The following HS6ST2 variants were observed in gnomAD, a reference collection of about 807,000 sequenced individuals.
The protein encoded by HS6ST2 is heparan sulfate 6-O-sulfotransferase 2, also known as heparan-sulfate 6-O-sulfotransferase 2.
Under a neutral mutation model 33.0 loss-of-function variants are expected in HS6ST2, and 17 were observed. That is an observed-to-expected ratio of 0.52 (90% CI 0.35 to 0.77). The LOEUF (loss-of-function observed/expected upper bound fraction) is 0.77. Ranked by LOEUF, HS6ST2 falls within the 30% of genes least tolerant of loss-of-function variation. The probability of loss-of-function intolerance (pLI) is 0.01; values close to 1 mark genes in which losing one functional copy is unlikely to be tolerated. For missense variants in HS6ST2, 519 were observed against 551.7 expected (o/e 0.94, Z 0.59); for synonymous variants, 248 against 237.1 (o/e 1.05, Z -0.42).
chrX:132,687,051 T>G (rs1050794724), intron 3 of HS6ST2, among the ~76,000 whole-genome samples: 1 of 112,310 alleles, frequency 8.9e-6, no homozygotes, highest in African/African-American at 3.2e-5. Flanking sequence ...AAATAATTAG[T>G]CCACACCAGT....
chrX:132,662,276 G>GGA (rs758077154), intron 4 of HS6ST2, among the ~76,000 whole-genome samples: 10 of 108,166 alleles, frequency 9.2e-5, no homozygotes, highest in Admixed American at 8.0e-4. Context: ...TGAAAGAGAA[G>GGA]GAGAGAGAGA....
chrX:132,660,984 G>A (rs376026956), intron 4 of HS6ST2, among the ~76,000 whole-genome samples: 3 of 111,670 alleles, frequency 2.7e-5, no homozygotes, highest in South Asian at 3.8e-4. Flanking sequence ...AGTGCTGATC[G>A]AAGAGGTAAG....
At chrX:132,673,722 C>G (rs1047626300) in intron 3 of HS6ST2, among the ~76,000 whole-genome samples, 3 of 110,911 alleles carry the variant, frequency 2.7e-5, no homozygotes, top group Non-Finnish European at 5.7e-5. Context: ...CAGACTCTCC[C>G]AGGGATAAAA....
chrX:132,876,982 T>C (rs1181954059), intron 2 of HS6ST2, among the ~76,000 whole-genome samples: 2 of 112,530 alleles, frequency 1.8e-5, no homozygotes, highest in East Asian at 5.5e-4. Flanking sequence ...TAGTCCTTTT[T>C]ATTGGCTGCC....
At chrX:132,753,434 C>CTCCCCATGTTG (rs1416307093) in intron 2 of HS6ST2, among the ~76,000 whole-genome samples, 2 of 111,322 alleles carry the variant, frequency 1.8e-5, no homozygotes, top group Non-Finnish European at 3.8e-5. Context: ...AGATAATTGA[C>CTCCCCATGTTG]TCATGGGGGC....
intron 2 of HS6ST2, among the ~76,000 whole-genome samples, chrX:132,939,594 C>T (rs1422870350): frequency 3.6e-5 from 4 of 111,292 alleles, no homozygotes; most frequent in Non-Finnish European, 7.5e-5. Flanking sequence ...CACCGCACTC[C>T]AGCCTGGCCG....
At chrX:132,732,588 G>A (rs2064470656) in intron 2 of HS6ST2, among the ~76,000 whole-genome samples, 1 of 110,978 alleles carries the variant, frequency 9.0e-6, no homozygotes, top group Admixed American at 9.6e-5. Flanking sequence ...CTGTTGTTGT[G>A]GTGGTAAGTC....
intron 4 of HS6ST2, among the ~76,000 whole-genome samples, chrX:132,633,491 T>C (rs1569475407): frequency 1.8e-5 from 2 of 110,374 alleles, no homozygotes; most frequent in African/African-American, 6.6e-5. Flanking sequence ...CGGGTAAAAG[T>C]GACAAAAGGG....
chrX:132,707,312 T>C (rs980189711), intron 3 of HS6ST2, among the ~76,000 whole-genome samples: 1 of 112,390 alleles, frequency 8.9e-6, no homozygotes, highest in Admixed American at 9.4e-5. Context: ...GATATTTAAA[T>C]GTTCTCCCAT....
In HS6ST2 at chrX:132,768,335, C is replaced by CAAA. The variant is rs771487342; in HGVS notation, c.948-59844_948-59842dup. Among the ~76,000 whole-genome samples the CAAA allele has an allele frequency of 4.9e-3, 225 of 46,270 alleles. 8 individuals carry two copies. Among genetic ancestry groups the CAAA allele is most frequent in the African/African-American group, 0.016 (196 of 12,148 alleles). The allele number at this position is 46,270 out of a possible 115,157, so 40.2% of individuals were successfully genotyped here. A position where few individuals can be genotyped will look rare whatever the true frequency, so the allele number is the denominator to read the frequency against. On this transcript the variant is annotated intron_variant, in intron 2 of 4. Transcript: ENST00000370833. ...TGGGTGACAGAGTGAGACTCTGTCTCAAAAAAAAAAAAAAAAAAAACTCAG... is the reference window on the plus strand; with the variant it reads ...TGGGTGACAGAGTGAGACTCTGTCTCAAAAAAAAAAAAAAAAAAAAAAACTCAG...
At position 132,666,449 on chromosome X, in the gene HS6ST2, A is replaced by G. The variant is rs1345143472; in HGVS notation, c.1067+2664T>C. Among the ~76,000 whole-genome samples the G allele has an allele frequency of 2.7e-5, 3 of 111,783 alleles. No homozygotes were observed. In the East Asian group the frequency reaches 8.4e-4, roughly 31 times the overall value. On this transcript the variant is annotated intron_variant, in intron 4 of 4. Transcript: ENST00000370833. Reference sequence around the variant, plus strand: ...CTACTATTATTATCATTGGTGCCAAAGAAGGTTTTTTACCAAAATTGTTCA... The same window carrying G: ...CTACTATTATTATCATTGGTGCCAAGGAAGGTTTTTTACCAAAATTGTTCA...
chrX:132,786,684 C>T (rs764905718), intron 2 of HS6ST2, among the ~76,000 whole-genome samples: 3 of 109,005 alleles, frequency 2.8e-5, no homozygotes, highest in South Asian at 4.2e-4. Context: ...TGCCAAGGCC[C>T]TGTCTCAGCT....
At chrX:132,917,304 A>C (rs2066603771) in intron 2 of HS6ST2, among the ~76,000 whole-genome samples, 1 of 112,025 alleles carries the variant, frequency 8.9e-6, no homozygotes, top group South Asian at 3.8e-4. Flanking sequence ...TATTCAAAAC[A>C]TGACCATGTT....
At chrX:132,832,659 T>C (rs1315860182) in intron 2 of HS6ST2, among the ~76,000 whole-genome samples, 1 of 112,062 alleles carries the variant, frequency 8.9e-6, no homozygotes, top group Non-Finnish European at 1.9e-5. Context: ...ATCATTAAAC[T>C]TAATCACTGT....
chrX:132,868,215 A>G (rs1331878517), intron 2 of HS6ST2, among the ~76,000 whole-genome samples: 1 of 112,457 alleles, frequency 8.9e-6, no homozygotes, highest in African/African-American at 3.2e-5. Context: ...AAAGGGATCA[A>G]TGCAACAAGA....
At chrX:132,891,542 C>A (rs1395706172) in intron 2 of HS6ST2, among the ~76,000 whole-genome samples, 4 of 109,455 alleles carry the variant, frequency 3.7e-5, no homozygotes, top group Non-Finnish European at 5.7e-5. Context: ...ACACTCCCCC[C>A]ACCCCACAAC....
intron 2 of HS6ST2, among the ~76,000 whole-genome samples, chrX:132,914,065 A>G (rs2066561370): frequency 8.9e-6 from 1 of 112,053 alleles, no homozygotes; most frequent in Admixed American, 9.5e-5. Context: ...CTAAGTTACT[A>G]TGGAATTATT....
intron 2 of HS6ST2, among the ~76,000 whole-genome samples, chrX:132,726,604 T>C (rs898851068): frequency 3.6e-5 from 4 of 112,357 alleles, no homozygotes; most frequent in Non-Finnish European, 5.6e-5. Context: ...ACCAGTCCAT[T>C]TCTGAACATC....
chrX:132,735,973 G>A (rs913166775), intron 2 of HS6ST2, among the ~76,000 whole-genome samples: 4 of 110,985 alleles, frequency 3.6e-5, no homozygotes, highest in Non-Finnish European at 7.5e-5. Flanking sequence ...CTGAGTAGCT[G>A]GGATTACATG....
Sources: allele counts gnomAD v4.1 joint callset (sites outside exome capture counted in the v4.1 genomes callset), GRCh38; gene constraint gnomAD v4.1.1; transcripts MANE v1.5; gene names NCBI Gene and HGNC (gene_info 2026-07-23, HGNC 2026-07-21).